LRP2: variants seen among roughly 807,000 people sequenced by gnomAD.
LRP2 encodes the protein LDL receptor related protein 2, also known as low-density lipoprotein receptor-related protein 2.
In LRP2, 172 loss-of-function variants were observed where a neutral mutation model predicts 531.0. The ratio of observed to expected loss-of-function variants is 0.32; its 90% CI spans 0.29 to 0.37. The LOEUF (loss-of-function observed/expected upper bound fraction) is 0.37, where lower values mean the gene tolerates loss of function less well. Ranked by LOEUF, LRP2 falls within the 10% of genes least tolerant of loss-of-function variation. LRP2 has a pLI of 1.00. For missense variants in LRP2, 5,167 were observed against 5,868.3 expected (o/e 0.88, Z 3.90); for synonymous variants, 1,992 against 2,027.6 (o/e 0.98, Z 0.47).
chr2:169,156,207 C>T (rs1343864329), intron 65 of LRP2, 67 bp downstream of exon 65: 9 of 1,596,782 alleles, frequency 5.6e-6, no homozygotes, highest in Admixed American at 1.7e-5. Context: ...TTTCTTTCAT[C>T]GTATAGTGTA....
At chr2:169,179,428 T>G (rs552314140) in intron 52 of LRP2, among the ~76,000 whole-genome samples, 1 of 152,000 alleles carries the variant, frequency 6.6e-6, no homozygotes, top group South Asian at 2.1e-4. Context: ...TTGTCAAGAG[T>G]AGAACTACAC....
At chr2:169,172,277 T>G in intron 57 of LRP2, 143 bp from the exon 58 acceptor site, 1 of 921,284 alleles carries the variant, frequency 1.1e-6, no homozygotes, top group Non-Finnish European at 1.7e-6. Context: ...GCAACATTCA[T>G]GGTCAACATT....
chr2:169,317,621 T>C (rs1684799197), intron 3 of LRP2, among the ~76,000 whole-genome samples: 1 of 152,228 alleles, frequency 6.6e-6, no homozygotes, highest in Non-Finnish European at 1.5e-5. Context: ...CTTTTTTGAG[T>C]TGTGTTTTCT....
intron 1 of LRP2, among the ~76,000 whole-genome samples, chr2:169,349,470 CA>C (rs1445927381): frequency 1.3e-5 from 2 of 152,082 alleles, no homozygotes; most frequent in African/African-American, 4.8e-5. Context: ...ATGTGAAGGC[CA>C]AATGGTTAGG....
intron 26 of LRP2, 49 bp downstream of exon 26, chr2:169,239,477 TA>T: frequency 6.2e-7 from 1 of 1,613,636 alleles, no homozygotes. Flanking sequence ...CATTTGATTT[TA>T]AGCTCTGGGA....
chr2:169,305,394 C>T (rs1165201605), intron 4 of LRP2, among the ~76,000 whole-genome samples: 1 of 152,168 alleles, frequency 6.6e-6, no homozygotes, highest in Non-Finnish European at 1.5e-5. Flanking sequence ...ACCCTAGTCA[C>T]AGCACCATAT....
rs561299729 is a variant in LRP2, at chr2:169,137,918, AT to A, written c.13519-426del. ...TCTCAGGGAAGGAAAACAATGAAAGATTTGAGGGAGAGACAAAATTCTGAAA... is the reference window on the plus strand; with the variant it reads ...TCTCAGGGAAGGAAAACAATGAAAGATTGAGGGAGAGACAAAATTCTGAAA... On this transcript the variant is annotated intron_variant, in intron 75 of 78. Coordinates refer to ENST00000649046, the MANE Select transcript of LRP2 (RefSeq NM_004525.3). Among the ~76,000 whole-genome samples, 395 of 152,278 alleles carry A rather than the reference AT, an allele frequency of 2.6e-3. 3 individuals carry two copies. The highest frequency in any genetic ancestry group is 9.1e-3 in the African/African-American group (379 of 41,560).
At chr2:169,182,556 A>G in intron 50 of LRP2, 1 of 1,389,110 alleles carries the variant, frequency 7.2e-7, no homozygotes. Flanking sequence ...TGTAGAAAAT[A>G]CGGGGGACAC....
At position 169,294,130 on chromosome 2, in the gene LRP2, A is replaced by G. The variant is rs1684075612; in HGVS notation, c.652+18T>C. On this transcript the variant is annotated intron_variant, in intron 6 of 78. Coordinates refer to ENST00000649046, the MANE Select transcript of LRP2 (RefSeq NM_004525.3). ...AACACTCCCAACAACATGACCCAGC[A>G]TAAAGAAATCACCGTACTGCAAGCA... is the stretch of plus-strand genomic sequence containing the variant. The G allele has an allele frequency of 1.3e-6, 2 of 1,541,686 alleles. No homozygotes were observed. Among genetic ancestry groups the G allele is most frequent in the Non-Finnish European group, 9.0e-7 (1 of 1,114,350 alleles).
intron 6 of LRP2, among the ~76,000 whole-genome samples, chr2:169,292,826 C>T (rs376176052): frequency 1.4e-5 from 1 of 71,234 alleles, no homozygotes; most frequent in South Asian, 6.0e-4. Context: ...GAGTGAGACC[C>T]TGTCTCAAAA....
In LRP2 at chr2:169,282,916, C is replaced by T. The variant is rs748204076; in HGVS notation, c.1128G>A (p.Gly376=). Residue 376 remains glycine (G), a synonymous_variant, in exon 10 of 79, where the codon GGG becomes GGA. Transcript: ENST00000649046. ...AATACTGTCCACGCTCCAAGATATA[C>T]CCTTCTTCACAGTGGCACAGGTGAC... is the stretch of plus-strand genomic sequence containing the variant. ...PGRHLCHCEE[G]YILERGQYCK... is the part of the protein sequence containing the mutation. The T allele has an allele frequency of 1.2e-6, 2 of 1,614,086 alleles. No homozygotes were observed. The highest frequency in any genetic ancestry group is 1.7e-6 in the Non-Finnish European group (2 of 1,179,952).
chr2:169,344,657 T>A (rs937914752), intron 1 of LRP2, among the ~76,000 whole-genome samples: 2 of 152,176 alleles, frequency 1.3e-5, no homozygotes, highest in Admixed American at 6.5e-5. Context: ...TTTTATTATA[T>A]CCCTCATCGA....
chr2:169,246,763 G>A lies in LRP2; in HGVS notation c.3132C>T (p.Leu1044=). Residue 1044 remains leucine (L), a synonymous_variant, in exon 21 of 79, where the codon CTC becomes CTT. Coordinates refer to ENST00000649046, the MANE Select transcript of LRP2 (RefSeq NM_004525.3). ...CATGACAATCATCGACTCCATCACA[G>A]AGATAGTAATTGGGCACACATCTGC... ...KNGRCVPNYY[L]CDGVDDCHDN... 1 of 1,614,176 alleles carries A rather than the reference G, an allele frequency of 6.2e-7. No homozygotes were observed. The highest frequency in any genetic ancestry group is 1.1e-5 in the South Asian group (1 of 91,082).
At chr2:169,209,156 T>C (rs1688505243) in intron 38 of LRP2, among the ~76,000 whole-genome samples, 1 of 152,164 alleles carries the variant, frequency 6.6e-6, no homozygotes, top group South Asian at 2.1e-4. Context: ...CAGGTGCAAA[T>C]CTAAGTGTAA....
chr2:169,128,905 C>T, intron 78 of LRP2, 75 bp from the exon 79 acceptor site: 1 of 1,567,970 alleles, frequency 6.4e-7, no homozygotes, highest in Non-Finnish European at 8.8e-7. Context: ...ATAAAGAAGA[C>T]TATTTGTGGC....
intron 1 of LRP2, among the ~76,000 whole-genome samples, chr2:169,360,146 AAAGAG>A (rs1422276010): frequency 1.5e-4 from 7 of 47,120 alleles, no homozygotes; most frequent in East Asian, 3.8e-4. Context: ...AAAAAAAAAA[AAAGAG>A]AGAGAGAGAG....
At chr2:169,351,613 T>C (rs549765016) in intron 1 of LRP2, among the ~76,000 whole-genome samples, 1 of 152,310 alleles carries the variant, frequency 6.6e-6, no homozygotes, top group South Asian at 2.1e-4. Flanking sequence ...AAAAGCTCAC[T>C]CTACATGTGA....
At chr2:169,293,053 A>G (rs139065343) in intron 6 of LRP2, among the ~76,000 whole-genome samples, 25 of 152,266 alleles carry the variant, frequency 1.6e-4, no homozygotes, top group Middle Eastern at 3.4e-3. Context: ...AAATAAGCCC[A>G]GGTTCCAGAA....
chr2:169,309,406 T>C (rs1684526721), intron 3 of LRP2, among the ~76,000 whole-genome samples: 1 of 152,174 alleles, frequency 6.6e-6, no homozygotes, highest in Admixed American at 6.5e-5. Flanking sequence ...TTGTATAAGG[T>C]GTAAGGAAGG....
Sources: gnomAD v4.1 joint callset for allele counts (sites outside exome capture counted in the v4.1 genomes callset) on GRCh38, gnomAD v4.1.1 for gene constraint, MANE v1.5 for transcripts, NCBI Gene and HGNC (gene_info 2026-07-23, HGNC 2026-07-21) for gene names.